DENND2C: variants seen among roughly 807,000 people sequenced by gnomAD.
DENND2C encodes the protein DENN domain containing 2C.
DENND2C carries 72 observed loss-of-function variants against 112.4 expected under a neutral mutation model. That is an observed-to-expected ratio of 0.64 (90% CI 0.53 to 0.78). The LOEUF (loss-of-function observed/expected upper bound fraction) is 0.78. Among genes scored for constraint, DENND2C ranks in the 30% least tolerant of loss-of-function variants. The pLI, the probability that DENND2C is intolerant of heterozygous loss-of-function variation, is 0.00. For missense variants in DENND2C, 992 were observed against 1,113.8 expected, an observed-to-expected ratio of 0.89 and a Z score of 1.56; for synonymous variants, 329 against 381.6, an observed-to-expected ratio of 0.86 and a Z score of 1.61.
rs1369503006 is a variant in DENND2C at position 114,600,089 on chromosome 1, C to T, written c.2105+115G>A. On this transcript the variant is annotated intron_variant, in intron 15 of 20. Transcript: ENST00000393274. ...ATATGTAATGAACCTGCACGTTGTG[C>T]ACATGTACCCTAGAACTTAAAGTAT... 5 of 1,195,906 alleles carry T rather than the reference C, an allele frequency of 4.2e-6. No individual in the cohort carries two copies. The Admixed American group carries it at 1.1e-4, about 27-fold the overall frequency. The allele number at this position is 1,195,906 out of a possible 1,614,324, so 74.1% of individuals were successfully genotyped here.
intron 1 of DENND2C, among the ~76,000 whole-genome samples, chr1:114,655,545 G>A (rs1657283292): frequency 6.6e-6 from 1 of 151,934 alleles, no homozygotes; most frequent in Non-Finnish European, 1.5e-5. Context: ...GTGCAGTGGT[G>A]TGATCTCGGC....
At position 114,625,733 on chromosome 1, in the gene DENND2C, A is replaced by C. The variant is rs150785923; in HGVS notation, c.252T>G (p.Asn84Lys). 22 of 1,613,952 alleles carry C rather than the reference A, an allele frequency of 1.4e-5. No homozygotes were observed. Among genetic ancestry groups the C allele is most frequent in the Non-Finnish European group, 1.8e-5 (21 of 1,179,980 alleles). ...TTTGATCATGGCTTTTGGTATTTTCATTTATATCTAGACCCACATTTTCAC... is the reference window on the plus strand; with the variant it reads ...TTTGATCATGGCTTTTGGTATTTTCCTTTATATCTAGACCCACATTTTCAC... Reference protein sequence around the residue: ...TSRENVGLDINENTKSHDQSE... With the variant: ...TSRENVGLDIKENTKSHDQSE... Residue 84 changes from asparagine (N) to lysine (K), a missense_variant, in exon 4 of 21, where the codon AAT becomes AAG. By Grantham distance (94) the Asn-to-Lys change is moderately conservative. Around this residue, in one of 3 missense-constraint regions of DENND2C, gnomAD observed 470 missense variants for 472.7 expected, o/e 0.99. Transcript: ENST00000393274.
intron 1 of DENND2C, among the ~76,000 whole-genome samples, chr1:114,655,554 G>T (rs1335097020): frequency 1.4e-4 from 22 of 151,966 alleles, no homozygotes; most frequent in Admixed American, 1.4e-3. Flanking sequence ...TGTGATCTCG[G>T]CTCACTGCAA....
intron 4 of DENND2C, among the ~76,000 whole-genome samples, chr1:114,624,872 C>T (rs1449337065): frequency 1.3e-5 from 2 of 152,180 alleles, no homozygotes; most frequent in Non-Finnish European, 2.9e-5. Context: ...CTGCCAGCCT[C>T]AGCCTCCCAA....
At position 114,585,334 on chromosome 1, in the gene DENND2C, A is replaced by AT. The variant is rs1182009898; in HGVS notation, c.*265dup. 2.7e-5 allele frequency: 11 copies of AT among 409,234 alleles called. No homozygotes were observed. The highest frequency in any genetic ancestry group is 4.9e-5 in the Non-Finnish European group (11 of 225,726). 25.4% of individuals were successfully genotyped at this position (409,234 alleles called of 1,614,324 possible). ...TCACAGACAAAGCACAAAACAGAGA[A>AT]TGAGCCCAAGAATCACATAGAAAAG... is the stretch of plus-strand genomic sequence containing the variant. On this transcript the variant is annotated 3_prime_UTR_variant, in exon 21 of 21. Coordinates refer to ENST00000393274, the MANE Select transcript of DENND2C (RefSeq NM_001256404.2).
intron 3 of DENND2C, among the ~76,000 whole-genome samples, chr1:114,640,715 G>A (rs1363567886): frequency 6.6e-6 from 1 of 152,202 alleles, no homozygotes; most frequent in African/African-American, 2.4e-5. Context: ...AAACTGTTCG[G>A]AAACCCGAAG....
At chr1:114,647,254 C>T (rs1657018778) in intron 2 of DENND2C, among the ~76,000 whole-genome samples, 1 of 151,094 alleles carries the variant, frequency 6.6e-6, no homozygotes, top group African/African-American at 2.4e-5. Flanking sequence ...ATAATGTAAA[C>T]AACCCTTTCC....
At chr1:114,631,300 C>G (rs1033307516) in intron 3 of DENND2C, among the ~76,000 whole-genome samples, 3 of 152,064 alleles carry the variant, frequency 2.0e-5, no homozygotes, top group Middle Eastern at 3.4e-3. Context: ...TGCTTGTACA[C>G]AGGAGGAGGA....
At chr1:114,625,028 A>AT in intron 4 of DENND2C, 151 bp downstream of exon 4, 1 of 725,244 alleles carries the variant, frequency 1.4e-6, no homozygotes, top group African/African-American at 1.8e-5. Flanking sequence ...TTCACTTCTT[A>AT]TTTTCCTTCC....
At chr1:114,655,883 A>AATGTATATGTATAAATATATATATAT (rs1553238227) in intron 1 of DENND2C, among the ~76,000 whole-genome samples, 1 of 125,890 alleles carries the variant, frequency 7.9e-6, no homozygotes, top group Non-Finnish European at 1.8e-5. Context: ...TATATGTATA[A>AATGTATATGTATAAATATATATATAT]ATATATATAT....
intron 2 of DENND2C, among the ~76,000 whole-genome samples, chr1:114,647,609 C>T (rs1015789410): frequency 1.3e-5 from 2 of 152,064 alleles, no homozygotes; most frequent in African/African-American, 2.4e-5. Context: ...TTAGTAGAGA[C>T]GGGGTTTTGC....
At chr1:114,598,975 G>A (rs1317475550) in intron 16 of DENND2C, among the ~76,000 whole-genome samples, 1 of 152,112 alleles carries the variant, frequency 6.6e-6, no homozygotes, top group African/African-American at 2.4e-5. Context: ...AAGCCACCAT[G>A]CCCGGCCTTG....
chr1:114,622,177 G>A (rs999274082), intron 6 of DENND2C, 112 bp from the exon 7 acceptor site: 18 of 1,119,280 alleles, frequency 1.6e-5, no homozygotes, highest in South Asian at 3.4e-5. Context: ...GCAGTGGCAC[G>A]ATCATGGCTC....
chr1:114,665,776 A>G (rs1272473069), intron 1 of DENND2C, among the ~76,000 whole-genome samples: 2 of 152,238 alleles, frequency 1.3e-5, no homozygotes, highest in African/African-American at 2.4e-5. Context: ...GGACAAAATT[A>G]GCATAGATAA....
At chr1:114,603,788 C>A (rs1292050823) in intron 11 of DENND2C, among the ~76,000 whole-genome samples, 2 of 151,822 alleles carry the variant, frequency 1.3e-5, no homozygotes, top group Non-Finnish European at 2.9e-5. Context: ...ATCCTCCCAC[C>A]TTAGCCTCAA....
intron 1 of DENND2C, among the ~76,000 whole-genome samples, chr1:114,658,039 A>G (rs1313482261): frequency 6.6e-6 from 1 of 152,226 alleles, no homozygotes; most frequent in Non-Finnish European, 1.5e-5. Flanking sequence ...GTAAATTTCC[A>G]GGTTTAGGGG....
rs770553568 is a variant in DENND2C, at chr1:114,589,032, G to C, written c.2432-1080C>G. On this transcript the variant is annotated intron_variant, in intron 18 of 20. Transcript: ENST00000393274. ...TTATTTTTCTTTTACAGAGGAAACTGAGATGCCAAATGATTAAATAAATTC... is the reference window on the plus strand; with the variant it reads ...TTATTTTTCTTTTACAGAGGAAACTCAGATGCCAAATGATTAAATAAATTC... Among the ~76,000 whole-genome samples, 4 of 152,172 alleles carry C rather than the reference G, an allele frequency of 2.6e-5. No homozygotes were observed. The South Asian group carries it at 8.3e-4, about 32-fold the overall frequency.
chr1:114,642,699 G>C (rs1173367807), intron 3 of DENND2C, among the ~76,000 whole-genome samples: 1 of 152,174 alleles, frequency 6.6e-6, no homozygotes, highest in East Asian at 1.9e-4. Context: ...GAGGCACCAA[G>C]AGGTTAAGTA....
chr1:114,658,588 A>C (rs1039313465), intron 1 of DENND2C, among the ~76,000 whole-genome samples: 4 of 152,280 alleles, frequency 2.6e-5, no homozygotes, highest in African/African-American at 9.6e-5. Context: ...GATAATAAAA[A>C]CAAAAAGAAG....
Sources: allele counts gnomAD v4.1 joint callset (sites outside exome capture counted in the v4.1 genomes callset), GRCh38; gene constraint gnomAD v4.1.1; regional missense constraint gnomAD v4.1.1; transcripts MANE v1.5; gene names NCBI Gene and HGNC (gene_info 2026-07-23, HGNC 2026-07-21).